Variants in NR2F1-AS1 observed in about 807,000 individuals in gnomAD.
NR2F1-AS1 encodes NR2F1 antisense RNA 1.
At chr5:93,445,046 A>G (rs1749665227) in intron 4 of NR2F1-AS1, among the ~76,000 whole-genome samples, 1 of 152,238 alleles carries the variant, frequency 6.6e-6, no homozygotes, top group Non-Finnish European at 1.5e-5. Flanking sequence ...GACACTTTTA[A>G]AGCAATCTGT....
intron 1 of NR2F1-AS1, among the ~76,000 whole-genome samples, chr5:93,567,794 CA>C (rs1367792859): frequency 2.0e-5 from 3 of 152,194 alleles, no homozygotes; most frequent in African/African-American, 7.2e-5. Context: ...TTTTCTTCCA[CA>C]GTGTGGTGAA....
intron 4 of NR2F1-AS1, among the ~76,000 whole-genome samples, chr5:93,446,928 A>C (rs1749724248): frequency 6.6e-6 from 1 of 152,162 alleles, no homozygotes; most frequent in Admixed American, 6.5e-5. Context: ...TCTTTGACAA[A>C]CCTGACAAAA....
chr5:93,498,379 T>C (rs908432826), intron 4 of NR2F1-AS1, among the ~76,000 whole-genome samples: 6 of 152,100 alleles, frequency 3.9e-5, no homozygotes, highest in African/African-American at 1.4e-4. Context: ...GGAATAAAAT[T>C]ACTATCAGTT....
intron 4 of NR2F1-AS1, among the ~76,000 whole-genome samples, chr5:93,550,596 T>G (rs1429395660): frequency 6.6e-6 from 1 of 152,232 alleles, no homozygotes; most frequent in East Asian, 1.9e-4. Context: ...ATCAACAGTT[T>G]TATGCCTGTC....
upstream of NR2F1-AS1, chr5:93,580,923 G>C (rs1233897406): frequency 6.6e-6 from 1 of 152,296 alleles, no homozygotes; most frequent in Admixed American, 6.5e-5. Flanking sequence ...TGCATTGACA[G>C]TTCTCCATTA....
At chr5:93,474,030 T>A (rs1481527662) in intron 4 of NR2F1-AS1, among the ~76,000 whole-genome samples, 1 of 152,120 alleles carries the variant, frequency 6.6e-6, no homozygotes, top group African/African-American at 2.4e-5. Flanking sequence ...TATATTATTA[T>A]TACTTGATAT....
chr5:93,523,873 G>A (rs1299951140), intron 4 of NR2F1-AS1, among the ~76,000 whole-genome samples: 1 of 152,050 alleles, frequency 6.6e-6, no homozygotes, highest in Non-Finnish European at 1.5e-5. Context: ...AAGACCAAAG[G>A]TAGATAAATC....
chr5:93,465,623 C>T (rs371246313), intron 4 of NR2F1-AS1, among the ~76,000 whole-genome samples: 34 of 152,152 alleles, frequency 2.2e-4, no homozygotes, highest in East Asian at 1.4e-3. Context: ...GACACATGCA[C>T]GTGTATGTTT....
upstream of NR2F1-AS1, among the ~76,000 whole-genome samples, chr5:93,581,668 GTCTCTCTCTCTC>G (rs1232503527): frequency 3.1e-4 from 10 of 32,118 alleles, no homozygotes; most frequent in Non-Finnish European, 6.1e-4. Context: ...CGGGGTCTCG[GTCTCTCTCTCTC>G]TCTCTCTCTC....
Position 93,539,793 on chromosome 5 carries a change from T to A in NR2F1-AS1, n.638+13968A>T, listed in dbSNP as rs1356795155. Among the ~76,000 whole-genome samples, 4 of 152,126 alleles carry A rather than the reference T, an allele frequency of 2.6e-5. No homozygotes were observed. In the East Asian group the frequency reaches 7.7e-4, roughly 29 times the overall value. ...TCTCACCACAAAGAAATGATAAAGG[T>A]ATGAGATGATGGATACACTAAGTAA... On this transcript the variant is annotated intron_variant and non_coding_transcript_variant, in intron 4 of 5. Coordinates refer to ENST00000660523, the Ensembl canonical transcript of NR2F1-AS1.
At chr5:93,559,130 T>A (rs1752428995) in intron 2 of NR2F1-AS1, among the ~76,000 whole-genome samples, 1 of 152,230 alleles carries the variant, frequency 6.6e-6, no homozygotes, top group Non-Finnish European at 1.5e-5. Context: ...ACACTGAAAA[T>A]ATGTTGTTTG....
intron 4 of NR2F1-AS1, among the ~76,000 whole-genome samples, chr5:93,508,281 A>C (rs1465641892): frequency 6.6e-6 from 1 of 152,202 alleles, no homozygotes; most frequent in Non-Finnish European, 1.5e-5. Context: ...ACCACACAGA[A>C]TAGGGAACCC....
At chr5:93,505,139 G>T (rs1167353099) in intron 4 of NR2F1-AS1, among the ~76,000 whole-genome samples, 2 of 152,088 alleles carry the variant, frequency 1.3e-5, no homozygotes, top group African/African-American at 4.8e-5. Flanking sequence ...AGTGGTTACA[G>T]GGCCCATGCA....
chr5:93,413,952 C>T (rs1748915266), intron 4 of NR2F1-AS1, among the ~76,000 whole-genome samples: 1 of 152,136 alleles, frequency 6.6e-6, no homozygotes, highest in African/African-American at 2.4e-5. Flanking sequence ...AGTTAGGATG[C>T]AAGCAAGACA....
intron 1 of NR2F1-AS1, among the ~76,000 whole-genome samples, chr5:93,567,191 G>T (rs1424228857): frequency 2.0e-5 from 3 of 152,010 alleles, no homozygotes; most frequent in Admixed American, 2.0e-4. Flanking sequence ...ATCTGGCACA[G>T]AAAAAGAAGT....
rs1310704908 is a variant in NR2F1-AS1, at chr5:93,506,736, C to T, written n.638+47025G>A. Among the ~76,000 whole-genome samples, 8 of 152,042 alleles carry T rather than the reference C, an allele frequency of 5.3e-5. No homozygotes were observed. In the East Asian group the frequency reaches 1.4e-3, roughly 26 times the overall value. ...CCAGCCCCCATGTTTCAATTAGCTC[C>T]CCCGGGTCCCTCCCAGAACACATGG... On this transcript the variant is annotated intron_variant and non_coding_transcript_variant, in intron 4 of 5. Coordinates refer to ENST00000660523, the Ensembl canonical transcript of NR2F1-AS1.
chr5:93,424,095 T>C (rs993571785), intron 4 of NR2F1-AS1, among the ~76,000 whole-genome samples: 1 of 152,112 alleles, frequency 6.6e-6, no homozygotes, highest in Non-Finnish European at 1.5e-5. Context: ...GTTATTTCTC[T>C]TAAGAGTCTG....
chr5:93,432,033 A>C (rs1386082368), intron 4 of NR2F1-AS1, among the ~76,000 whole-genome samples: 1 of 152,212 alleles, frequency 6.6e-6, no homozygotes, highest in Non-Finnish European at 1.5e-5. Context: ...CTGTTAAAGC[A>C]GCCTTGTATT....
At chr5:93,441,200 G>A (rs1352137335) in intron 4 of NR2F1-AS1, among the ~76,000 whole-genome samples, 1 of 152,202 alleles carries the variant, frequency 6.6e-6, no homozygotes, top group Admixed American at 6.5e-5. Flanking sequence ...GTGAAGATAG[G>A]ATGACAGCTA....
Sources: gnomAD v4.1 joint callset for allele counts (sites outside exome capture counted in the v4.1 genomes callset) on GRCh38, gnomAD v4.1.1 for gene constraint, MANE v1.5 for transcripts, NCBI Gene and HGNC (gene_info 2026-07-23, HGNC 2026-07-21) for gene names.